The following SIK3 variants were observed in gnomAD, a reference collection of about 807,000 sequenced individuals.
SIK3 encodes serine/threonine-protein kinase SIK3.
A neutral mutation model predicts 144.2 loss-of-function variants in SIK3; 28 were observed. The ratio of observed to expected loss-of-function variants is 0.19; its 90% CI spans 0.14 to 0.27. SIK3 has a LOEUF of 0.27. Ranked by LOEUF, SIK3 falls within the 10% of genes least tolerant of loss-of-function variation. The probability of loss-of-function intolerance (pLI) is 1.00; values close to 1 mark genes in which losing one functional copy is unlikely to be tolerated. For synonymous variants in SIK3, 686 were observed against 676.3 expected, an observed-to-expected ratio of 1.01 and a Z score of -0.22; for missense variants, 1,319 against 1,776.0, an observed-to-expected ratio of 0.74 and a Z score of 4.62.
intron 1 of SIK3, among the ~76,000 whole-genome samples, chr11:117,070,693 G>A (rs903746657): frequency 2.0e-5 from 3 of 151,326 alleles, no homozygotes; most frequent in Admixed American, 2.0e-4. Context: ...TGATCCACCC[G>A]CCTCTGCCTT....
chr11:117,036,242 AT>A (rs112079595), intron 1 of SIK3, among the ~76,000 whole-genome samples: 47,089 of 151,294 alleles, frequency 0.31, 8,310 homozygotes, highest in African/African-American at 0.49. Context: ...TTAAAAAAAA[AT>A]AATGTAGGTA....
rs746808435 is a variant in SIK3, at chr11:116,845,590, T to TGTA, written c.*52_*53insTAC. The TGTA allele has an allele frequency of 3.9e-5, 6 of 152,186 alleles. No homozygotes were observed. Among genetic ancestry groups the TGTA allele is most frequent in the Non-Finnish European group, 7.3e-5 (5 of 68,036 alleles). The allele number at this position is 152,186 out of a possible 1,614,324, so 9.4% of individuals were successfully genotyped here. A position where few individuals can be genotyped will look rare whatever the true frequency, so the allele number is the denominator to read the frequency against. Reference sequence around the variant, plus strand: ...GCACAACGCTGCTAGATACTGTGGGTTTACAATCAACCTTTTCATTCCCAA... The same window carrying TGTA: ...GCACAACGCTGCTAGATACTGTGGGTGTATTACAATCAACCTTTTCATTCCCAA... On this transcript the variant is annotated 3_prime_UTR_variant, in exon 25 of 25. Coordinates refer to ENST00000445177, the MANE Select transcript of SIK3 (RefSeq NM_001366686.3).
chr11:116,862,781 C>T (rs551923594), intron 16 of SIK3, among the ~76,000 whole-genome samples: 9 of 152,262 alleles, frequency 5.9e-5, no homozygotes, highest in Admixed American at 3.9e-4. Flanking sequence ...CTAAATCATG[C>T]GCAGAGTGCC....
intron 4 of SIK3, among the ~76,000 whole-genome samples, chr11:116,897,739 C>T (rs1210302652): frequency 6.6e-6 from 1 of 152,076 alleles, no homozygotes; most frequent in African/African-American, 2.4e-5. Flanking sequence ...AAAAATTAGC[C>T]GGGCGTGGTG....
intron 1 of SIK3, among the ~76,000 whole-genome samples, chr11:116,964,744 G>A (rs1949464970): frequency 1.3e-5 from 2 of 152,040 alleles, no homozygotes; most frequent in Admixed American, 6.6e-5. Flanking sequence ...AGCCAGGTGT[G>A]GTGGTGGGCA....
chr11:116,893,027 G>A (rs1945210593), intron 6 of SIK3, among the ~76,000 whole-genome samples: 1 of 152,198 alleles, frequency 6.6e-6, no homozygotes, highest in South Asian at 2.1e-4. Context: ...TGGAGACAGT[G>A]AAAGGATCAG....
chr11:116,984,042 C>A (rs572002158), intron 1 of SIK3, among the ~76,000 whole-genome samples: 4 of 127,106 alleles, frequency 3.1e-5, no homozygotes, highest in African/African-American at 1.0e-4. Flanking sequence ...CAGAGCAAGA[C>A]CCTGACTCAA....
intron 1 of SIK3, among the ~76,000 whole-genome samples, chr11:117,051,912 G>C (rs1464365212): frequency 1.3e-5 from 2 of 152,008 alleles, no homozygotes; most frequent in Non-Finnish European, 2.9e-5. Context: ...GGAAGGCTGA[G>C]GCAGGTGGAT....
intron 1 of SIK3, among the ~76,000 whole-genome samples, chr11:116,993,341 C>T (rs1206204598): frequency 6.6e-6 from 1 of 152,204 alleles, no homozygotes; most frequent in South Asian, 2.1e-4. Flanking sequence ...TCCTATACAA[C>T]ACCTTACATT....
At chr11:116,909,538 A>G (rs1055156114) in intron 4 of SIK3, among the ~76,000 whole-genome samples, 5 of 152,224 alleles carry the variant, frequency 3.3e-5, no homozygotes, top group Non-Finnish European at 7.3e-5. Flanking sequence ...ATTTATGTAT[A>G]AACATAATAT....
intron 1 of SIK3, among the ~76,000 whole-genome samples, chr11:117,020,523 G>A (rs1951726956): frequency 6.6e-6 from 1 of 152,110 alleles, no homozygotes; most frequent in Non-Finnish European, 1.5e-5. Flanking sequence ...TGCTCATACA[G>A]TTAGAACTCA....
chr11:116,847,986 G>A (rs1942120597), intron 22 of SIK3, among the ~76,000 whole-genome samples: 1 of 152,126 alleles, frequency 6.6e-6, no homozygotes, highest in South Asian at 2.1e-4. Context: ...TGTCCAATAT[G>A]GTAACCAGTA....
chr11:116,943,912 T>TAAA (rs34561422), intron 3 of SIK3, among the ~76,000 whole-genome samples: 7,200 of 144,812 alleles, frequency 0.05, 573 homozygotes, highest in African/African-American at 0.17. Context: ...CATTTAAAAG[T>TAAA]AAAAAAAAAA....
chr11:116,986,826 C>T (rs1950340894), intron 1 of SIK3, among the ~76,000 whole-genome samples: 1 of 152,180 alleles, frequency 6.6e-6, no homozygotes, highest in South Asian at 2.1e-4. Flanking sequence ...TACTGGATTA[C>T]TCTCCTCTTC....
chr11:117,035,674 C>T (rs1355846262), intron 1 of SIK3: 1 of 680,392 alleles, frequency 1.5e-6, no homozygotes, highest in African/African-American at 1.8e-5. Context: ...CCCACCTTAG[C>T]CTCCAGAGTA....
chr11:116,930,977 GA>G (rs887844957), intron 3 of SIK3, among the ~76,000 whole-genome samples: 14 of 150,818 alleles, frequency 9.3e-5, no homozygotes, highest in Non-Finnish European at 1.6e-4. Flanking sequence ...CGGTTAAAAG[GA>G]AAAAAAATGG....
intron 12 of SIK3, 122 bp from the exon 13 acceptor site, chr11:116,873,758 T>G: frequency 4.1e-6 from 6 of 1,465,238 alleles, no homozygotes; most frequent in Non-Finnish European, 1.8e-6. Flanking sequence ...TAGAGGACGC[T>G]TCCCGCTCAC....
At chr11:116,899,358 T>C (rs1945620220) in intron 4 of SIK3, among the ~76,000 whole-genome samples, 1 of 152,174 alleles carries the variant, frequency 6.6e-6, no homozygotes, top group Non-Finnish European at 1.5e-5. Context: ...AGTACCATGC[T>C]GTTTTGGTTA....
At chr11:116,847,425 GA>G in intron 23 of SIK3, 50 bp downstream of exon 23, 1 of 1,611,210 alleles carries the variant, frequency 6.2e-7, no homozygotes, top group South Asian at 1.1e-5. Flanking sequence ...AAGATGGAGG[GA>G]GGCCCCTCCA....
Sources: allele counts gnomAD v4.1 joint callset (sites outside exome capture counted in the v4.1 genomes callset), GRCh38; gene constraint gnomAD v4.1.1; transcripts MANE v1.5; gene names NCBI Gene and HGNC (gene_info 2026-07-23, HGNC 2026-07-21).